METTL8: variants seen among roughly 807,000 people sequenced by gnomAD.
The protein encoded by METTL8 is tRNA N(3)-cytidine methyltransferase METTL8, mitochondrial.
METTL8 carries 32 observed loss-of-function variants against 48.7 expected under a neutral mutation model. The ratio of observed to expected loss-of-function variants is 0.66; its 90% CI spans 0.50 to 0.88. METTL8 has a LOEUF of 0.88. METTL8 is among the 40% of genes least tolerant of loss of function. METTL8 has a pLI of 0.00. For synonymous variants in METTL8, 136 were observed against 157.1 expected, an observed-to-expected ratio of 0.87 and a Z score of 1.01; for missense variants, 464 against 474.4, an observed-to-expected ratio of 0.98 and a Z score of 0.20.
intron 3 of METTL8, among the ~76,000 whole-genome samples, chr2:171,345,507 AG>A (rs1475899248): frequency 1.3e-5 from 2 of 152,238 alleles, no homozygotes; most frequent in African/African-American, 4.8e-5. Context: ...TGAAATTAAA[AG>A]TATGTTTCTA....
intron 1 of METTL8, among the ~76,000 whole-genome samples, chr2:171,396,836 A>T (rs1299816510): frequency 6.6e-6 from 1 of 151,918 alleles, no homozygotes; most frequent in Non-Finnish European, 1.5e-5. Context: ...TCAAATCAAT[A>T]ATCTCAGCTT....
At chr2:171,356,952 A>ATGTTTTTGTTTTTGTTT in intron 3 of METTL8, among the ~76,000 whole-genome samples, 1 of 78,468 alleles carries the variant, frequency 1.3e-5, no homozygotes, top group Non-Finnish European at 2.4e-5. Flanking sequence ...CAAAGACAAT[A>ATGTTTTTGTTTTTGTTT]TTTTTTTTTT....
At chr2:171,420,389 G>T (rs1052594440) in intron 1 of METTL8, among the ~76,000 whole-genome samples, 3 of 152,060 alleles carry the variant, frequency 2.0e-5, no homozygotes, top group Non-Finnish European at 4.4e-5. Context: ...AGAAGATGAG[G>T]CAGACATGGT....
chr2:171,384,014 G>A (rs1454082373), intron 2 of METTL8, among the ~76,000 whole-genome samples: 1 of 152,150 alleles, frequency 6.6e-6, no homozygotes, highest in African/African-American at 2.4e-5. Flanking sequence ...ATTCACAAGA[G>A]GCAAAACAGG....
intron 3 of METTL8, among the ~76,000 whole-genome samples, chr2:171,348,329 C>G (rs1294484209): frequency 6.6e-6 from 1 of 152,140 alleles, no homozygotes; most frequent in Non-Finnish European, 1.5e-5. Context: ...CTGCAGCAGT[C>G]TTTGTTGCAA....
chr2:171,434,728 G>A, upstream of METTL8: 2 of 1,412,186 alleles, frequency 1.4e-6, no homozygotes, highest in South Asian at 1.5e-5. Flanking sequence ...GCCGGGGCGG[G>A]ACGGAGGGCC....
chr2:171,352,071 G>A lies in METTL8; in HGVS notation c.235+8351C>T, dbSNP rs142213242. On this transcript the variant is annotated intron_variant, in intron 3 of 9. Coordinates refer to ENST00000375258, the MANE Select transcript of METTL8 (RefSeq NM_001321154.2). ...AAGGGAATGCTTCCAGTTTCTGCCC[G>A]TACGTATGATATTGACTGTGAGTTT... 2.0e-3 allele frequency among the ~76,000 whole-genome samples: 298 copies of A among 152,150 alleles called. 7 individuals carry two copies. The East Asian group carries it at 0.029, about 15-fold the overall frequency.
rs748029510 is a variant in METTL8 at position 171,339,265 on chromosome 2, G to A, written c.525C>T (p.Asn175=). ...CTTTTTTGTGTTTTTCAGAGTCTAG[G>A]TTGGAAAAATCAGATTCTGTTTTGC... The part of the protein sequence containing the change: ...GQSKTESDFS[N]LDSEKHKKGP... Residue 175 remains asparagine, a synonymous_variant, in exon 4 of 10, where the codon AAC becomes AAT. Transcript: ENST00000375258. 7.4e-6 allele frequency: 12 copies of A among 1,611,992 alleles called. No individual in the cohort carries two copies. Among genetic ancestry groups the A allele is most frequent in the South Asian group, 3.3e-5 (3 of 90,756 alleles).
chr2:171,330,732 G>A (rs758630241), intron 6 of METTL8, 34 bp from the exon 7 acceptor site: 1 of 1,525,338 alleles, frequency 6.6e-7, no homozygotes, highest in Non-Finnish European at 8.8e-7. Flanking sequence ...GCAAAAAGAG[G>A]ACTTAGTAGA....
chr2:171,375,816 T>A (rs567651384), intron 2 of METTL8, among the ~76,000 whole-genome samples: 3 of 152,328 alleles, frequency 2.0e-5, no homozygotes, highest in African/African-American at 2.4e-5. Context: ...TAAAACATAT[T>A]AAATGATTCT....
At chr2:171,423,290 T>C (rs1692062212) in intron 1 of METTL8, among the ~76,000 whole-genome samples, 1 of 152,084 alleles carries the variant, frequency 6.6e-6, no homozygotes, top group South Asian at 2.1e-4. Context: ...ACTAATATAG[T>C]AAATTGGTAC....
Position 171,360,417 on chromosome 2 carries a change from A to T in METTL8, c.235+5T>A. The stretch of plus-strand genomic sequence containing the variant: ...CTCTAGGAGCTACAGCACGCAGTTG[A>T]CTACCTTGCTCTTCCAGAAGGACTC... On this transcript the variant is annotated splice_donor_5th_base_variant and intron_variant, in intron 3 of 9. Transcript: ENST00000375258. 1.2e-6 allele frequency: 2 copies of T among 1,612,962 alleles called. No individual in the cohort carries two copies.
At chr2:171,353,948 A>T (rs1684240197) in intron 3 of METTL8, among the ~76,000 whole-genome samples, 1 of 152,196 alleles carries the variant, frequency 6.6e-6, no homozygotes, top group Non-Finnish European at 1.5e-5. Flanking sequence ...TGGAGCATTT[A>T]GCCCATTTAC....
chr2:171,365,954 A>T (rs972771701), intron 2 of METTL8, among the ~76,000 whole-genome samples: 11 of 152,212 alleles, frequency 7.2e-5, no homozygotes, highest in African/African-American at 2.4e-4. Flanking sequence ...ACTGAGTGGC[A>T]GTTTCATGAG....
chr2:171,422,630 C>T (rs1691991213), intron 1 of METTL8, among the ~76,000 whole-genome samples: 1 of 152,048 alleles, frequency 6.6e-6, no homozygotes. Context: ...AAAAGACACA[C>T]AATCTAATAG....
intron 1 of METTL8, among the ~76,000 whole-genome samples, chr2:171,413,088 G>A (rs1690914299): frequency 6.6e-6 from 1 of 152,164 alleles, no homozygotes; most frequent in Non-Finnish European, 1.5e-5. Flanking sequence ...ACAAAATCAA[G>A]CACGGGCTAA....
intron 2 of METTL8, among the ~76,000 whole-genome samples, chr2:171,380,636 C>T (rs1188088538): frequency 6.6e-6 from 1 of 152,128 alleles, no homozygotes; most frequent in Non-Finnish European, 1.5e-5. Context: ...CATGAATGAA[C>T]TACCATTCAC....
rs901469146 is a variant in METTL8 at position 171,315,878 on chromosome 2, T to G, written c.*8294A>C. Among the ~76,000 whole-genome samples the G allele has an allele frequency of 6.6e-6, 1 of 152,230 alleles. No individual in the cohort carries two copies. Among genetic ancestry groups the G allele is most frequent in the Non-Finnish European group, 1.5e-5 (1 of 68,042 alleles). ...CCAAAGCTTCCTTAACTTGGGAATC[T>G]TGGGAACCTAGAAAGTGAGGTAACC... On this transcript the variant is annotated 3_prime_UTR_variant, in exon 10 of 10. Transcript: ENST00000375258.
intron 1 of METTL8, among the ~76,000 whole-genome samples, chr2:171,418,168 C>G (rs1691507004): frequency 6.6e-6 from 1 of 152,160 alleles, no homozygotes; most frequent in Non-Finnish European, 1.5e-5. Flanking sequence ...TGGTCTCGAT[C>G]TCCTGACCTC....
Sources: allele counts gnomAD v4.1 joint callset (sites outside exome capture counted in the v4.1 genomes callset), GRCh38; gene constraint gnomAD v4.1.1; transcripts MANE v1.5; gene names NCBI Gene and HGNC (gene_info 2026-07-23, HGNC 2026-07-21).